Variants in BTN2A2 observed in about 807,000 individuals in gnomAD.
BTN2A2 encodes butyrophilin subfamily 2 member A2.
A neutral mutation model predicts 34.7 loss-of-function variants in BTN2A2; 29 were observed. That is an observed-to-expected ratio of 0.84 (90% CI 0.62 to 1.14). BTN2A2 has a LOEUF of 1.14. Among genes scored for constraint, BTN2A2 ranks in the 50% most tolerant of loss-of-function variants. The probability of loss-of-function intolerance (pLI) is 0.00; values close to 1 mark genes in which losing one functional copy is unlikely to be tolerated. For missense variants in BTN2A2, 612 were observed against 651.5 expected (o/e 0.94, Z 0.66); for synonymous variants, 240 against 253.1 (o/e 0.95, Z 0.49).
Position 26,385,159 on chromosome 6 carries a change from TTGTGTA to T in BTN2A2, c.241_246del (p.Val81_Tyr82del). 1.2e-6 allele frequency: 2 copies of T among 1,613,740 alleles called. No homozygotes were observed. Among genetic ancestry groups the T allele is most frequent in the Non-Finnish European group, 1.7e-6 (2 of 1,179,934 alleles). On this transcript the variant is annotated inframe_deletion, in exon 3 of 8. Coordinates refer to ENST00000356709, the MANE Select transcript of BTN2A2 (RefSeq NM_006995.5). ...CGGTCTCAGTTCTCCCCCGCAGTGT[TTGTGTA>T]TAAGGGTGGGAGAGAGAGAACAGAG... is the stretch of plus-strand genomic sequence containing the variant.
rs1320990178 is a variant in BTN2A2, at chr6:26,390,051, C to T, written c.771C>T (p.Val257=). 1.2e-6 allele frequency: 2 copies of T among 1,614,060 alleles called. No homozygotes were observed. Among genetic ancestry groups the T allele is most frequent in the Non-Finnish European group, 8.5e-7 (1 of 1,180,050 alleles). The change falls in exon 5 of 8, where the codon GTC becomes GTT. Residue 257 remains valine, a synonymous_variant. Coordinates refer to ENST00000356709, the MANE Select transcript of BTN2A2 (RefSeq NM_006995.5). Reference sequence around the variant, plus strand: ...CTCCCTGGATGGTGGCCCTAGCTGTCATCCTGACCGCATCTCCCTGGATGG... The same window carrying T: ...CTCCCTGGATGGTGGCCCTAGCTGTTATCCTGACCGCATCTCCCTGGATGG... The part of the protein sequence containing the change: ...SASPWMVALA[V]ILTASPWMVS...
In BTN2A2 at chr6:26,392,820, C is replaced by G. The variant is rs1434031611; in HGVS notation, c.1425C>G (p.Ala475=). ...RSHIYTCPRS[A]FTVPVRPFFR... ...ACATCTACACATGTCCCCGTTCAGC[C>G]TTTACTGTGCCTGTGAGGCCCTTCT... The change falls in exon 8 of 8, where the codon GCC becomes GCG. Residue 475 remains alanine, a synonymous_variant. Transcript: ENST00000356709. 1 of 1,614,096 alleles carries G rather than the reference C, an allele frequency of 6.2e-7. No homozygotes were observed. The highest frequency in any genetic ancestry group is 2.2e-5 in the East Asian group (1 of 44,902).
chr6:26,392,225 A>G (rs1163357918), intron 7 of BTN2A2, 150 bp from the exon 8 acceptor site: 2 of 1,548,056 alleles, frequency 1.3e-6, no homozygotes, highest in Admixed American at 3.9e-5. Flanking sequence ...TTCTCAGGGT[A>G]TGAGCTGCCT....
chr6:26,394,625 C>G lies in BTN2A2; in HGVS notation c.*1658C>G. The G allele has an allele frequency of 2.9e-6, 1 of 348,048 alleles. No individual in the cohort carries two copies. The highest frequency in any genetic ancestry group is 4.7e-5 in the East Asian group (1 of 21,462). 21.6% of individuals were successfully genotyped at this position (348,048 alleles called of 1,614,324 possible). ...AGTTACACAATCAGCTTCCCTGGTT[C>G]TGAGGCTTTCAGACTTAAACTGAGC... On this transcript the variant is annotated 3_prime_UTR_variant, in exon 8 of 8. Transcript: ENST00000356709.
Position 26,393,131 on chromosome 6 carries a change from T to C in BTN2A2, c.*164T>C, listed in dbSNP as rs886265100. The C allele has an allele frequency of 2.5e-6, 4 of 1,606,248 alleles. No homozygotes were observed. Among genetic ancestry groups the C allele is most frequent in the Non-Finnish European group, 3.4e-6 (4 of 1,176,154 alleles). The stretch of plus-strand genomic sequence containing the variant: ...CCACTCCAGCCCTCTGCCCCAGTTT[T>C]CTCCTCCTCACTAGTCTGTGGCTTT... On this transcript the variant is annotated 3_prime_UTR_variant, in exon 8 of 8. Transcript: ENST00000356709.
intron 4 of BTN2A2, among the ~76,000 whole-genome samples, 199 bp downstream of exon 4, chr6:26,388,493 C>A (rs1365662178): frequency 3.3e-5 from 5 of 152,140 alleles, no homozygotes; most frequent in Admixed American, 1.3e-4. Flanking sequence ...AGAGTAGGAG[C>A]CTCTTCTCTG....
Position 26,388,143 on chromosome 6 carries a change from C to T in BTN2A2, c.573C>T (p.Pro191=), listed in dbSNP as rs759917587. The T allele has an allele frequency of 3.5e-5, 56 of 1,614,042 alleles. No homozygotes were observed. The highest frequency in any genetic ancestry group is 5.3e-5 in the African/African-American group (4 of 74,896). Residue 191 remains proline, a synonymous_variant, in exon 4 of 8, where the codon CCC becomes CCT. Transcript: ENST00000356709. ...VWRDPYGEVV[P]ALKEVSIADA... Reference sequence around the variant, plus strand: ...GGGACCCCTACGGTGAGGTTGTGCCCGCCCTGAAGGAGGTTTCCATCGCTG... The same window carrying T: ...GGGACCCCTACGGTGAGGTTGTGCCTGCCCTGAAGGAGGTTTCCATCGCTG...
At chr6:26,391,432 A>G (rs1761570222) in intron 7 of BTN2A2, 2 of 154,980 alleles carry the variant, frequency 1.3e-5, no homozygotes, top group African/African-American at 4.8e-5. Context: ...TCATCTTGTG[A>G]TTCGGCACCT....
chr6:26,392,689 T>A lies in BTN2A2; in HGVS notation c.1294T>A (p.Ser432Thr), dbSNP rs114760306. The change falls in exon 8 of 8, where the codon TCC (serine) becomes ACC (threonine). Residue 432 changes from serine (S) to threonine (T), a missense_variant. Physicochemically the swap from Ser to Thr is moderately conservative, Grantham distance 58. Transcript: ENST00000356709. ...MFGNQYRALS[S>T]PERILPLKES... ...TGGAAACCAATACCGGGCCCTGTCC[T>A]CCCCTGAGAGGATTCTCCCTTTGAA... is the stretch of plus-strand genomic sequence containing the variant. The A allele has an allele frequency of 4.6e-3, 7,495 of 1,614,166 alleles. 21 individuals are homozygous for A. The highest frequency in any genetic ancestry group is 5.4e-3 in the Non-Finnish European group (6,400 of 1,180,022).
Position 26,392,599 on chromosome 6 carries a change from A to T in BTN2A2, c.1204A>T (p.Ser402Cys), listed in dbSNP as rs1761662121. The T allele has an allele frequency of 6.2e-7, 1 of 1,614,022 alleles. No individual in the cohort carries two copies. Among genetic ancestry groups the T allele is most frequent in the African/African-American group, 1.3e-5 (1 of 74,918 alleles). Residue 402 changes from serine to cysteine, a missense_variant, in exon 8 of 8, where the codon AGT becomes TGT. Transcript: ENST00000356709. ...GTGGACTGTGGGGGTCTGCAGACAC[A>T]GTGTTGAGAGGAAAGGGGAGGTCCT... ...MVWTVGVCRH[S>C]VERKGEVLLI... is the part of the protein sequence containing the mutation.
intron 3 of BTN2A2, among the ~76,000 whole-genome samples, chr6:26,386,748 A>ATTTTTCCCT (rs771023764): frequency 1.3e-5 from 2 of 152,032 alleles, no homozygotes; most frequent in Non-Finnish European, 2.9e-5. Flanking sequence ...TTGGTGGCTG[A>ATTTTTCCCT]TTTTTCCCTT....
intron 3 of BTN2A2, among the ~76,000 whole-genome samples, chr6:26,386,060 C>T (rs1180521406): frequency 4.6e-5 from 7 of 152,130 alleles, no homozygotes; most frequent in African/African-American, 1.4e-4. Flanking sequence ...TCTTATTTTT[C>T]GATAAATATT....
Position 26,393,559 on chromosome 6 carries a change from C to A in BTN2A2, c.*592C>A, listed in dbSNP as rs1804836. On this transcript the variant is annotated 3_prime_UTR_variant, in exon 8 of 8. Coordinates refer to ENST00000356709, the MANE Select transcript of BTN2A2 (RefSeq NM_006995.5). ...ACCCCAGGATTTCCACAGCACACAC[C>A]CACAGGCCTGGACCTGGGATGAAGA... The A allele has an allele frequency of 0.045, 45,425 of 1,012,568 alleles. 6,923 individuals carry two copies. In the African/African-American group the frequency reaches 0.47, roughly 11 times the overall value. 62.7% of individuals were successfully genotyped at this position (1,012,568 alleles called of 1,614,324 possible).
rs758915110 is a variant in BTN2A2, at chr6:26,383,967, C to T, written c.94+52C>T. On this transcript the variant is annotated intron_variant, in intron 2 of 7. Coordinates refer to ENST00000356709, the MANE Select transcript of BTN2A2 (RefSeq NM_006995.5). The surrounding 1 kb of genome is among the most constrained non-coding windows in gnomAD (Gnocchi z 4.4). Reference sequence around the variant, plus strand: ...TCACCTCTCAGAAAGGAACATCAACCCTGTAGTCTGCAAAGGGAAAGAAGG... The same window carrying T: ...TCACCTCTCAGAAAGGAACATCAACTCTGTAGTCTGCAAAGGGAAAGAAGG... 7.2e-5 allele frequency: 113 copies of T among 1,563,208 alleles called. No homozygotes were observed. Among genetic ancestry groups the T allele is most frequent in the Non-Finnish European group, 9.3e-5 (106 of 1,134,086 alleles).
Position 26,385,080 on chromosome 6 carries a change from C to T in BTN2A2, c.160C>T (p.Arg54Cys), listed in dbSNP as rs370867259. The T allele has an allele frequency of 8.1e-6, 13 of 1,613,788 alleles. No homozygotes were observed. Among genetic ancestry groups the T allele is most frequent in the African/African-American group, 8.0e-5 (6 of 74,868 alleles). Residue 54 changes from arginine (R) to cysteine (C), a missense_variant, in exon 3 of 8, where the codon CGC (arginine) becomes TGC (cysteine). Coordinates refer to ENST00000356709, the MANE Select transcript of BTN2A2 (RefSeq NM_006995.5). ...CATGGTGGGAGAAAACACTACATTA[C>T]GCTGCCATCTGTCACCCGAGAAAAA... ...LAMVGENTTLRCHLSPEKNAE... is the reference protein window; with the variant it reads ...LAMVGENTTLCCHLSPEKNAE...
At position 26,393,099 on chromosome 6, in the gene BTN2A2, T is replaced by G; in HGVS notation, c.*132T>G. 6.2e-7 allele frequency: 1 copy of G among 1,610,242 alleles called. No homozygotes were observed. Among genetic ancestry groups the G allele is most frequent in the Non-Finnish European group, 8.5e-7 (1 of 1,178,098 alleles). On this transcript the variant is annotated 3_prime_UTR_variant, in exon 8 of 8. Transcript: ENST00000356709. ...AAGAGAACATCTTCCAGCTGCCTTT[T>G]TCACACCCACTCCAGCCCTCTGCCC...
Position 26,383,905 on chromosome 6 carries a change from A to G in BTN2A2, c.84A>G (p.Ala28=), listed in dbSNP as rs1761019330. The part of the protein sequence containing the change: ...LLLLLLLSLC[A]LVSAQFTVVG... ...TCCTCCTCCTTCTCAGCCTGTGTGC[A>G]CTGGTCTCAGGTAGGGATGTGTGTC... is the stretch of plus-strand genomic sequence containing the variant. The change falls in exon 2 of 8, where the codon GCA becomes GCG. Residue 28 remains alanine, a synonymous_variant. Coordinates refer to ENST00000356709, the MANE Select transcript of BTN2A2 (RefSeq NM_006995.5). This position sits in a 1 kb window ranked among gnomAD's most constrained non-coding sequence, Gnocchi z 4.4. 6.2e-7 allele frequency: 1 copy of G among 1,613,924 alleles called. No homozygotes were observed. The highest frequency in any genetic ancestry group is 2.2e-5 in the East Asian group (1 of 44,872).
chr6:26,392,203 C>A, intron 7 of BTN2A2, 172 bp from the exon 8 acceptor site: 1 of 1,538,834 alleles, frequency 6.5e-7, no homozygotes, highest in Non-Finnish European at 8.7e-7. Context: ...GATAGAAGTG[C>A]AGCTTCCGTA....
At chr6:26,391,155 A>G (rs1761553146) in intron 7 of BTN2A2, 2 of 512,288 alleles carry the variant, frequency 3.9e-6, no homozygotes, top group South Asian at 4.5e-5. Flanking sequence ...TTCTGGATCA[A>G]TTTGAAATAA....
Sources: gnomAD v4.1 joint callset for allele counts (sites outside exome capture counted in the v4.1 genomes callset) on GRCh38, gnomAD v4.1.1 for gene constraint, Gnocchi (gnomAD v3.1) non-coding constraint, MANE v1.5 for transcripts, NCBI Gene and HGNC (gene_info 2026-07-23, HGNC 2026-07-21) for gene names.